Variants in TECPR2 observed in about 807,000 individuals in gnomAD.
TECPR2 encodes tectonin beta-propeller repeat-containing protein 2.
TECPR2 carries 65 observed loss-of-function variants against 138.1 expected under a neutral mutation model. The observed-to-expected ratio is 0.47, with a 90% confidence interval of 0.39 to 0.58. The LOEUF is 0.58. TECPR2 is among the 20% of genes least tolerant of loss of function. TECPR2 has a pLI of 0.00. For missense variants in TECPR2, 1,553 were observed against 1,824.5 expected (o/e 0.85, Z 2.71); for synonymous variants, 746 against 749.8 (o/e 0.99, Z 0.08).
intron 17 of TECPR2, among the ~76,000 whole-genome samples, chr14:102,487,893 G>A (rs1411578504): frequency 7.5e-5 from 11 of 146,022 alleles, no homozygotes; most frequent in African/African-American, 2.5e-4. Context: ...CGAGGCTGGA[G>A]TGCAATGGCG....
At position 102,408,535 on chromosome 14, in the gene TECPR2, T is replaced by C. The variant is rs2139694770; in HGVS notation, c.396T>C (p.Ala132=). The C allele has an allele frequency of 1.2e-6, 2 of 1,613,340 alleles. No individual in the cohort carries two copies. Among genetic ancestry groups the C allele is most frequent in the Non-Finnish European group, 1.7e-6 (2 of 1,179,812 alleles). The change falls in exon 4 of 20, where the codon GCT becomes GCC. Residue 132 remains alanine (A), a synonymous_variant. Coordinates refer to ENST00000359520, the MANE Select transcript of TECPR2 (RefSeq NM_014844.5). ...VTGIHKNSIT[A]LAWSPNGMKL... ...GTATTCACAAAAATAGCATTACAGC[T>C]CTGGCTTGGAGCCCCAATGGAATGA...
intron 12 of TECPR2, among the ~76,000 whole-genome samples, chr14:102,444,120 T>TA (rs1889907389): frequency 6.6e-6 from 1 of 152,148 alleles, no homozygotes; most frequent in South Asian, 2.1e-4. Flanking sequence ...AGTTCTGGTT[T>TA]AGTGTCTGTG....
At chr14:102,478,278 G>A (rs1890811455) in intron 17 of TECPR2, among the ~76,000 whole-genome samples, 1 of 151,876 alleles carries the variant, frequency 6.6e-6, no homozygotes, top group Non-Finnish European at 1.5e-5. Context: ...TGGACTCCTG[G>A]CCTCAAGCAA....
chr14:102,417,227 A>G (rs1889049827), intron 5 of TECPR2, among the ~76,000 whole-genome samples: 1 of 152,236 alleles, frequency 6.6e-6, no homozygotes. Context: ...TAACAGAATA[A>G]GAGGAAATGT....
chr14:102,413,893 G>A (rs1410443583), intron 4 of TECPR2, among the ~76,000 whole-genome samples: 1 of 151,858 alleles, frequency 6.6e-6, no homozygotes, highest in Admixed American at 6.6e-5. Context: ...GAACTCCTGG[G>A]CTCAAATGAT....
chr14:102,467,727 T>A (rs1890576808), intron 17 of TECPR2, among the ~76,000 whole-genome samples: 1 of 152,242 alleles, frequency 6.6e-6, no homozygotes, highest in Non-Finnish European at 1.5e-5. Flanking sequence ...AAGTGGTATC[T>A]CATTGTGGGT....
intron 16 of TECPR2, among the ~76,000 whole-genome samples, chr14:102,455,655 G>A (rs939405174): frequency 6.6e-6 from 1 of 152,270 alleles, no homozygotes; most frequent in East Asian, 1.9e-4. Context: ...CTGTCGCCCA[G>A]GCTGGAGTGC....
chr14:102,374,594 T>A (rs1229323624), intron 1 of TECPR2, among the ~76,000 whole-genome samples: 2 of 152,172 alleles, frequency 1.3e-5, no homozygotes, highest in South Asian at 4.1e-4. Flanking sequence ...AAACCCTCTC[T>A]ATTTTTTAAA....
intron 10 of TECPR2, 62 bp downstream of exon 10, chr14:102,438,267 C>CG: frequency 6.5e-7 from 1 of 1,538,452 alleles, no homozygotes; most frequent in Non-Finnish European, 8.7e-7. Flanking sequence ...GCTCCCCGCC[C>CG]CCGGGGTGCA....
intron 8 of TECPR2, 88 bp downstream of exon 8, chr14:102,432,216 C>T (rs935111625): frequency 8.0e-6 from 10 of 1,256,740 alleles, no homozygotes; most frequent in Non-Finnish European, 8.5e-6. Context: ...GTGAGCAATG[C>T]TCCATACATC....
chr14:102,467,898 G>A (rs1432283210), intron 17 of TECPR2, among the ~76,000 whole-genome samples: 4 of 145,172 alleles, frequency 2.8e-5, no homozygotes, highest in African/African-American at 7.6e-5. Context: ...GTGCAGTGGC[G>A]CAATCTCTGC....
intron 16 of TECPR2, among the ~76,000 whole-genome samples, chr14:102,459,747 G>A (rs907204228): frequency 2.6e-5 from 4 of 152,030 alleles, no homozygotes; most frequent in Non-Finnish European, 4.4e-5. Flanking sequence ...GGAACAGAGC[G>A]AGACTCCGTC....
chr14:102,435,043 G>C lies in TECPR2; in HGVS notation c.2226G>C (p.Gln742His), dbSNP rs1469643650. ...AASTHKPWLE[Q>H]PPRDQTLTSS... is the part of the protein sequence containing the mutation. ...GCACTCACAAGCCCTGGCTTGAGCA[G>C]CCTCCACGGGATCAGACATTGACGT... Residue 742 changes from glutamine (Q) to histidine (H), a missense_variant, in exon 9 of 20, where the codon CAG becomes CAC. By Grantham distance (24) the Gln-to-His change is conservative. Coordinates refer to ENST00000359520, the MANE Select transcript of TECPR2 (RefSeq NM_014844.5). 6.2e-7 allele frequency: 1 copy of C among 1,613,982 alleles called. No individual in the cohort carries two copies. The highest frequency in any genetic ancestry group is 8.5e-7 in the Non-Finnish European group (1 of 1,180,056).
intron 9 of TECPR2, chr14:102,436,980 C>T: frequency 2.0e-6 from 2 of 985,306 alleles, no homozygotes; most frequent in South Asian, 9.4e-5. Context: ...GGATCCTGGC[C>T]CTTTGAGCCC....
chr14:102,393,188 T>G (rs879939815), intron 2 of TECPR2, among the ~76,000 whole-genome samples: 9 of 152,122 alleles, frequency 5.9e-5, no homozygotes, highest in Non-Finnish European at 7.4e-5. Flanking sequence ...CTTCTTGGTT[T>G]TGGGGTCCTG....
chr14:102,448,264 G>A (rs759481274), intron 13 of TECPR2, among the ~76,000 whole-genome samples: 8 of 152,202 alleles, frequency 5.3e-5, no homozygotes, highest in Non-Finnish European at 1.2e-4. Context: ...CCGACCAGGA[G>A]TAGGGCATTT....
chr14:102,441,588 C>A (rs1321637337), intron 11 of TECPR2, among the ~76,000 whole-genome samples: 1 of 151,666 alleles, frequency 6.6e-6, no homozygotes, highest in Non-Finnish European at 1.5e-5. Context: ...TACTTGGGAG[C>A]CTGAGGCACA....
chr14:102,376,824 G>T lies in TECPR2; in HGVS notation c.103G>T (p.Val35Leu), dbSNP rs750870349. 5 of 1,614,046 alleles carry T rather than the reference G, an allele frequency of 3.1e-6. No individual in the cohort carries two copies. In the African/African-American group the frequency reaches 5.3e-5, roughly 17 times the overall value. ...GATCCAGAAGGGTTTCCGCTCTATC[G>T]TGGTCTATCTCACGGCCCTCGACAC... is the stretch of plus-strand genomic sequence containing the variant. Reference protein sequence around the residue: ...TKIQKGFRSIVVYLTALDTNG... With the variant: ...TKIQKGFRSILVYLTALDTNG... Residue 35 changes from valine to leucine, a missense_variant, in exon 2 of 20, where the codon GTG (valine) becomes TTG (leucine). Physicochemically the swap from Val to Leu is conservative, Grantham distance 32. Transcript: ENST00000359520.
At chr14:102,386,145 T>C (rs1887995287) in intron 2 of TECPR2, among the ~76,000 whole-genome samples, 1 of 152,030 alleles carries the variant, frequency 6.6e-6, no homozygotes, top group Non-Finnish European at 1.5e-5. Flanking sequence ...ATCAAACTTA[T>C]AATTGTGGAG....
Sources: gnomAD v4.1 joint callset for allele counts (sites outside exome capture counted in the v4.1 genomes callset) on GRCh38, gnomAD v4.1.1 for gene constraint, MANE v1.5 for transcripts, NCBI Gene and HGNC (gene_info 2026-07-23, HGNC 2026-07-21) for gene names.